The following RPS6KL1 variants were observed in gnomAD, a reference collection of about 807,000 sequenced individuals.
RPS6KL1 encodes the protein ribosomal protein S6 kinase-like 1.
Under a neutral mutation model 57.0 loss-of-function variants are expected in RPS6KL1, and 41 were observed. The observed-to-expected ratio is 0.72, with a 90% CI of 0.56 to 0.93. The LOEUF is 0.93. RPS6KL1 is among the 40% of genes least tolerant of loss of function. RPS6KL1 has a pLI of 0.00. For missense variants in RPS6KL1, 697 were observed against 727.7 expected (o/e 0.96, Z 0.49); for synonymous variants, 287 against 309.7 (o/e 0.93, Z 0.77).
Position 74,919,866 on chromosome 14 carries a change from G to A in RPS6KL1, c.369C>T (p.Ser123=), listed in dbSNP as rs772100353. 4 of 1,613,430 alleles carry A rather than the reference G, an allele frequency of 2.5e-6. No homozygotes were observed. The South Asian group carries it at 4.4e-5, about 18-fold the overall frequency. Residue 123 remains serine, a synonymous_variant, in exon 4 of 12, where the codon AGC becomes AGT. Transcript: ENST00000557413. ...TCACCGCGCTGGGGCTGGCTCCACTGCTCAGCGGCCGCTGCAGGTGGCAGT... is the reference window on the plus strand; with the variant it reads ...TCACCGCGCTGGGGCTGGCTCCACTACTCAGCGGCCGCTGCAGGTGGCAGT... ...IFNCHLQRPL[S]SGASPSAGFS... is the part of the protein sequence containing the mutation.
chr14:74,910,357 G>T, intron 7 of RPS6KL1: 10 of 446,182 alleles, frequency 2.2e-5, no homozygotes, highest in South Asian at 1.3e-4. Flanking sequence ...AACTAAAGTG[G>T]GCCCAGCCTT....
chr14:74,905,519 C>T lies in RPS6KL1; in HGVS notation c.*1495G>A, dbSNP rs1309790480. ...CACATGGCATGCTGCTCACCACCAGCCCTGCGTCCTACTTCCTGGCAGCCC... is the reference window on the plus strand; with the variant it reads ...CACATGGCATGCTGCTCACCACCAGTCCTGCGTCCTACTTCCTGGCAGCCC... On this transcript the variant is annotated 3_prime_UTR_variant, in exon 12 of 12. Coordinates refer to ENST00000557413, the MANE Select transcript of RPS6KL1 (RefSeq NM_031464.5). 5 of 152,194 alleles carry T rather than the reference C, an allele frequency of 3.3e-5. No individual in the cohort carries two copies. The highest frequency in any genetic ancestry group is 1.2e-4 in the African/African-American group (5 of 41,398). The allele number at this position is 152,194 out of a possible 1,614,324, so 9.4% of individuals were successfully genotyped here.
rs150445886 is a variant in RPS6KL1, at chr14:74,922,026, G to A, written c.-69C>T. 7.8e-3 allele frequency: 2,190 copies of A among 279,388 alleles called. 42 individuals are homozygous for A. Among genetic ancestry groups the A allele is most frequent in the African/African-American group, 0.037 (1,619 of 43,966 alleles). 17.3% of individuals were successfully genotyped at this position (279,388 alleles called of 1,614,324 possible). ...ACTCCTGACCTCAAGTGATCCGTCT[G>A]CCTCGGCCTCCCACAGTGCTGGGAT... On this transcript the variant is annotated 5_prime_UTR_variant, in exon 2 of 12. Transcript: ENST00000557413.
intron 1 of RPS6KL1, 98 bp downstream of exon 1, chr14:74,923,082 G>C (rs929643951): frequency 1.3e-5 from 2 of 152,266 alleles, no homozygotes; most frequent in African/African-American, 4.8e-5. Context: ...GCAACCCACG[G>C]GGCCCCAGCC....
chr14:74,918,456 C>G lies in RPS6KL1; in HGVS notation c.483+57G>C, dbSNP rs183280949. Reference sequence around the variant, plus strand: ...GCATATCATGTCTCTCTCCCCACCGCCACCCCAAATTGCATACACTGTCTC... The same window carrying G: ...GCATATCATGTCTCTCTCCCCACCGGCACCCCAAATTGCATACACTGTCTC... On this transcript the variant is annotated intron_variant, in intron 5 of 11. Coordinates refer to ENST00000557413, the MANE Select transcript of RPS6KL1 (RefSeq NM_031464.5). 1.2e-5 allele frequency: 15 copies of G among 1,284,486 alleles called. No individual in the cohort carries two copies. In the East Asian group the frequency reaches 4.0e-4, roughly 34 times the overall value. 79.6% of individuals were successfully genotyped at this position (1,284,486 alleles called of 1,614,324 possible).
In RPS6KL1 at chr14:74,921,263, G is replaced by GCCCCCC; in HGVS notation, c.265+13_265+14insGGGGGG. 1.4e-6 allele frequency: 1 copy of GCCCCCC among 711,036 alleles called. No homozygotes were observed. Among genetic ancestry groups the GCCCCCC allele is most frequent in the Non-Finnish European group, 2.5e-6 (1 of 407,960 alleles). The allele number at this position is 711,036 out of a possible 1,614,324, so 44.0% of individuals were successfully genotyped here. A position where few individuals can be genotyped will look rare whatever the true frequency, so the allele number is the denominator to read the frequency against. On this transcript the variant is annotated intron_variant, in intron 3 of 11. Coordinates refer to ENST00000557413, the MANE Select transcript of RPS6KL1 (RefSeq NM_031464.5). ...TCCCCACCCACCCCAGCCCTGCCCAGCCCCGGTCCTCACCGTGTATGCCAC... is the reference window on the plus strand; with the variant it reads ...TCCCCACCCACCCCAGCCCTGCCCAGCCCCCCCCCCGGTCCTCACCGTGTATGCCAC...
intron 6 of RPS6KL1, 187 bp downstream of exon 6, chr14:74,911,605 ATG>A (rs1594921737): frequency 1.5e-6 from 1 of 645,506 alleles, no homozygotes; most frequent in East Asian, 2.8e-5. Context: ...GTGTATGTGT[ATG>A]TGTATGTGTA....
chr14:74,918,588 C>T lies in RPS6KL1; in HGVS notation c.408G>A (p.Arg136=), dbSNP rs1178309173. The T allele has an allele frequency of 6.5e-7, 1 of 1,534,286 alleles. No individual in the cohort carries two copies. Among genetic ancestry groups the T allele is most frequent in the East Asian group, 2.4e-5 (1 of 40,842 alleles). The change falls in exon 5 of 12, where the codon AGG becomes AGA. Residue 136 remains arginine (R), a synonymous_variant. Transcript: ENST00000557413. Reference sequence around the variant, plus strand: ...AGCTCAGCGTGCGAATGGGCCGGAGCCTCAGGCTGCTGAAACCCTGCAGAG... The same window carrying T: ...AGCTCAGCGTGCGAATGGGCCGGAGTCTCAGGCTGCTGAAACCCTGCAGAG... ...ASPSAGFSSL[R]LRPIRTLSSA...
intron 11 of RPS6KL1, 52 bp downstream of exon 11, chr14:74,907,383 A>T: frequency 6.5e-7 from 1 of 1,540,074 alleles, no homozygotes; most frequent in Non-Finnish European, 8.7e-7. Context: ...TGCCCCTCCC[A>T]GCACCTTCCT....
At chr14:74,915,640 A>G (rs1886706363) in intron 5 of RPS6KL1, among the ~76,000 whole-genome samples, 1 of 152,182 alleles carries the variant, frequency 6.6e-6, no homozygotes, top group Non-Finnish European at 1.5e-5. Context: ...CGCAGAAAGG[A>G]GGGCTGGTGC....
intron 5 of RPS6KL1, among the ~76,000 whole-genome samples, chr14:74,914,349 G>A (rs1268793486): frequency 1.3e-5 from 2 of 152,184 alleles, no homozygotes; most frequent in African/African-American, 4.8e-5. Flanking sequence ...TTGCCAAGTG[G>A]GATTCCCCAC....
chr14:74,914,791 C>A (rs1021030219), intron 5 of RPS6KL1, among the ~76,000 whole-genome samples: 2 of 152,222 alleles, frequency 1.3e-5, no homozygotes, highest in Non-Finnish European at 1.5e-5. Context: ...CAGCTCACTG[C>A]AATCTCTGCC....
intron 10 of RPS6KL1, 133 bp from the exon 11 acceptor site, chr14:74,907,663 GA>G: frequency 1.2e-6 from 1 of 811,902 alleles, no homozygotes; most frequent in Non-Finnish European, 1.9e-6. Context: ...GCTACAGCCA[GA>G]CACAGTGCCT....
In RPS6KL1 at chr14:74,908,915, C is replaced by T. The variant is rs148351182; in HGVS notation, c.1378G>A (p.Glu460Lys). 14 of 1,613,622 alleles carry T rather than the reference C, an allele frequency of 8.7e-6. No individual in the cohort carries two copies. Among genetic ancestry groups the T allele is most frequent in the Admixed American group, 3.3e-5 (2 of 59,984 alleles). The change falls in exon 10 of 12, where the codon GAG becomes AAG. Residue 460 changes from glutamate (E) to lysine (K), a missense_variant. Physicochemically the swap from Glu to Lys is moderately conservative, Grantham distance 56. Coordinates refer to ENST00000557413, the MANE Select transcript of RPS6KL1 (RefSeq NM_031464.5). Reference sequence around the variant, plus strand: ...CACCAGTCACAGGCTTCCGTCAGCTCGGAAATCCCACCCACCTCTGTGGGA... The same window carrying T: ...CACCAGTCACAGGCTTCCGTCAGCTTGGAAATCCCACCCACCTCTGTGGGA... ...YSAPEVGGIS[E>K]LTEACDWWSF...
intron 10 of RPS6KL1, among the ~76,000 whole-genome samples, chr14:74,908,138 C>T (rs1322646344): frequency 6.6e-6 from 1 of 152,206 alleles, no homozygotes; most frequent in African/African-American, 2.4e-5. Flanking sequence ...GACCCCGTGC[C>T]ATGGGACGAA....
chr14:74,916,006 C>T (rs1358094937), intron 5 of RPS6KL1, among the ~76,000 whole-genome samples: 2 of 152,182 alleles, frequency 1.3e-5, no homozygotes, highest in Non-Finnish European at 2.9e-5. Flanking sequence ...TGCCAAGTCC[C>T]GACCCACCCA....
At chr14:74,909,348 A>G (rs1338692437) in intron 8 of RPS6KL1, 158 bp from the exon 9 acceptor site, 2 of 972,508 alleles carry the variant, frequency 2.1e-6, no homozygotes, top group East Asian at 2.6e-5. Flanking sequence ...GAGGCACAGC[A>G]CTCTGAGGCC....
intron 10 of RPS6KL1, 114 bp from the exon 11 acceptor site, chr14:74,907,644 A>C: frequency 1.0e-6 from 1 of 960,178 alleles, no homozygotes; most frequent in Non-Finnish European, 1.5e-6. Context: ...GATGACAATA[A>C]TGATAGTTGC....
rs560069663 is a variant in RPS6KL1 at position 74,904,634 on chromosome 14, A to T, written c.*2380T>A. On this transcript the variant is annotated 3_prime_UTR_variant, in exon 12 of 12. Transcript: ENST00000557413. ...AGAATTTGGGGTCACCATCTTTGTG[A>T]AGCCCTTTCAAAACACCAGTAGACT... The T allele has an allele frequency of 6.6e-6, 1 of 152,314 alleles. No individual in the cohort carries two copies. The highest frequency in any genetic ancestry group is 1.9e-4 in the East Asian group (1 of 5,188). The allele number at this position is 152,314 out of a possible 1,614,324, so 9.4% of individuals were successfully genotyped here.
Sources: allele counts gnomAD v4.1 joint callset (sites outside exome capture counted in the v4.1 genomes callset), GRCh38; gene constraint gnomAD v4.1.1; transcripts MANE v1.5; gene names NCBI Gene and HGNC (gene_info 2026-07-23, HGNC 2026-07-21).